The following PLSCR2 variants were observed in gnomAD, a reference collection of about 807,000 sequenced individuals.
PLSCR2 encodes the protein phospholipid scramblase 2.
Under a neutral mutation model 25.3 loss-of-function variants are expected in PLSCR2, and 18 were observed. That is an observed-to-expected ratio of 0.71 (90% CI 0.49 to 1.06). PLSCR2 has a LOEUF of 1.06. Ranked by LOEUF, PLSCR2 falls within the 50% of genes least tolerant of loss-of-function variation. PLSCR2 has a pLI of 0.00. For missense variants in PLSCR2, 243 were observed against 269.5 expected (o/e 0.90, Z 0.69); for synonymous variants, 88 against 87.3 (o/e 1.01, Z -0.04).
At chr3:146,454,917 CT>C (rs2041111107) in intron 4 of PLSCR2, among the ~76,000 whole-genome samples, 1 of 152,258 alleles carries the variant, frequency 6.6e-6, no homozygotes, top group African/African-American at 2.4e-5. Context: ...TGGTGCAACT[CT>C]GCTGATTTCG....
At chr3:146,485,589 A>G (rs1457794498) in intron 1 of PLSCR2, among the ~76,000 whole-genome samples, 1 of 152,128 alleles carries the variant, frequency 6.6e-6, no homozygotes. Flanking sequence ...AACTAAAATC[A>G]TAACAAACAG....
At chr3:146,494,488 T>C (rs1385884800) in intron 1 of PLSCR2, 1 of 152,312 alleles carries the variant, frequency 6.6e-6, no homozygotes, top group African/African-American at 2.4e-5. Context: ...AGTATAACTA[T>C]ATTGATTTTT....
chr3:146,433,521 T>C lies in PLSCR2; in HGVS notation c.*35-4A>G, dbSNP rs1413894538. 6.6e-6 allele frequency: 1 copy of C among 152,160 alleles called. No homozygotes were observed. Among genetic ancestry groups the C allele is most frequent in the Non-Finnish European group, 1.5e-5 (1 of 68,036 alleles). 9.4% of individuals were successfully genotyped at this position (152,160 alleles called of 1,614,324 possible). A position where few individuals can be genotyped will look rare whatever the true frequency, so the allele number is the denominator to read the frequency against. Reference sequence around the variant, plus strand: ...GCCTAGCCAAAGATCCGGAATCCTATGCAGAGAGAGAAGAAAGGAAAGTAA... The same window carrying C: ...GCCTAGCCAAAGATCCGGAATCCTACGCAGAGAGAGAAGAAAGGAAAGTAA... On this transcript the variant is annotated splice_polypyrimidine_tract_variant and splice_region_variant and intron_variant, in intron 8 of 8. Transcript: ENST00000336685.
chr3:146,458,728 T>C (rs1012831890), intron 2 of PLSCR2, among the ~76,000 whole-genome samples: 2 of 152,060 alleles, frequency 1.3e-5, no homozygotes, highest in African/African-American at 4.8e-5. Flanking sequence ...GAAAACAATG[T>C]TCTTCCTAAA....
In PLSCR2 at chr3:146,476,051, A is replaced by G. The variant is rs373231853; in HGVS notation, c.-292-15767T>C. On this transcript the variant is annotated intron_variant, in intron 1 of 8. Coordinates refer to the PLSCR2 transcript ENST00000336685. ...TCAATTGTCATGTTAAACAATTACCACTAATTATTTCCCAAAACTGTTATA... is the reference window on the plus strand; with the variant it reads ...TCAATTGTCATGTTAAACAATTACCGCTAATTATTTCCCAAAACTGTTATA... Among the ~76,000 whole-genome samples the G allele has an allele frequency of 3.6e-4, 55 of 152,158 alleles. No homozygotes were observed. The South Asian group carries it at 0.011, about 30-fold the overall frequency.
At chr3:146,407,252 G>A (rs1327128062) in intron 2 of PLSCR2, among the ~76,000 whole-genome samples, 2 of 152,194 alleles carry the variant, frequency 1.3e-5, no homozygotes, top group Non-Finnish European at 2.9e-5. Flanking sequence ...TATGGATGAG[G>A]TGAAGGCTGG....
intron 2 of PLSCR2, chr3:146,401,464 G>A (rs553893792): frequency 2.6e-5 from 4 of 152,532 alleles, no homozygotes; most frequent in South Asian, 4.2e-4. Flanking sequence ...CAAAGGTGTC[G>A]AAGGAAGCAA....
intron 1 of PLSCR2, chr3:146,495,783 TTAGG>T (rs72286809): frequency 0.32 from 246,477 of 769,456 alleles, 39,360 homozygotes; most frequent in South Asian, 0.39. Context: ...AAGGTCCCCA[TTAGG>T]TAGTTCGTGA....
intron 1 of PLSCR2, among the ~76,000 whole-genome samples, chr3:146,492,339 G>A (rs1162790964): frequency 2.6e-5 from 4 of 152,040 alleles, no homozygotes; most frequent in East Asian, 3.9e-4. Context: ...ACACAACAAC[G>A]ACAGGTATAC....
chr3:146,471,142 A>G (rs2042104231), intron 1 of PLSCR2, among the ~76,000 whole-genome samples: 3 of 152,150 alleles, frequency 2.0e-5, no homozygotes, highest in African/African-American at 7.2e-5. Flanking sequence ...TCCCTCTAAT[A>G]CAGAACTGTG....
downstream of PLSCR2, among the ~76,000 whole-genome samples, chr3:146,429,504 G>C (rs529881458): frequency 1.1e-4 from 17 of 152,290 alleles, no homozygotes; most frequent in African/African-American, 3.6e-4. Context: ...ACTTAAGAGT[G>C]ATGACTGAGG....
At chr3:146,451,150 T>C (rs2040870666) in intron 5 of PLSCR2, among the ~76,000 whole-genome samples, 1 of 147,886 alleles carries the variant, frequency 6.8e-6, no homozygotes, top group Non-Finnish European at 1.5e-5. Context: ...GTCTTGCTCT[T>C]GTCCCCCAGG....
chr3:146,475,839 A>G (rs2042266898), intron 1 of PLSCR2, among the ~76,000 whole-genome samples: 1 of 152,164 alleles, frequency 6.6e-6, no homozygotes, highest in African/African-American at 2.4e-5. Context: ...GCCAGACGAG[A>G]GAGATTATTT....
upstream of PLSCR2, among the ~76,000 whole-genome samples, chr3:146,464,777 C>A (rs2041786329): frequency 6.6e-6 from 1 of 152,124 alleles, no homozygotes; most frequent in African/African-American, 2.4e-5. Context: ...GTAATTATAT[C>A]AGAAATCATG....
intron 1 of PLSCR2, among the ~76,000 whole-genome samples, chr3:146,485,369 C>G (rs1383194130): frequency 2.6e-5 from 4 of 152,070 alleles, no homozygotes; most frequent in African/African-American, 9.7e-5. Flanking sequence ...TAACAACCTA[C>G]TGTAAATATT....
chr3:146,495,867 T>C, intron 1 of PLSCR2: 1 of 1,521,538 alleles, frequency 6.6e-7, no homozygotes, highest in Non-Finnish European at 8.8e-7. Context: ...AGCACGTTAG[T>C]CTCTGGAAAC....
At chr3:146,429,358 G>A (rs139453444), downstream of PLSCR2, among the ~76,000 whole-genome samples, 22 of 152,298 alleles carry the variant, frequency 1.4e-4, no homozygotes, top group East Asian at 1.5e-3. Context: ...TGCAAACAGC[G>A]AAGGTCGGGC....
chr3:146,423,004 A>G (rs962563167), intron 2 of PLSCR2, among the ~76,000 whole-genome samples: 7 of 152,080 alleles, frequency 4.6e-5, no homozygotes, highest in African/African-American at 1.7e-4. Context: ...TATAGTATTT[A>G]TAATACTATG....
intron 2 of PLSCR2, among the ~76,000 whole-genome samples, chr3:146,406,608 A>T (rs2038667358): frequency 6.6e-6 from 1 of 152,136 alleles, no homozygotes; most frequent in Non-Finnish European, 1.5e-5. Flanking sequence ...GAATTAATCT[A>T]ATGGCTTCAC....
Sources: allele counts gnomAD v4.1 joint callset (sites outside exome capture counted in the v4.1 genomes callset), GRCh38; gene constraint gnomAD v4.1.1; transcripts MANE v1.5; gene names NCBI Gene and HGNC (gene_info 2026-07-23, HGNC 2026-07-21).